Variants in INPP4A observed in about 807,000 individuals in gnomAD.
The protein encoded by INPP4A is inositol polyphosphate-4-phosphatase, type I, 107kD.
In INPP4A, 33 loss-of-function variants were observed where a neutral mutation model predicts 119.8. The observed-to-expected ratio is 0.28, with a 90% CI of 0.21 to 0.37. The LOEUF is 0.37. INPP4A is among the 10% of genes least tolerant of loss of function. The pLI is 1.00. For missense variants in INPP4A, 956 were observed against 1,289.9 expected (o/e 0.74, Z 3.97); for synonymous variants, 496 against 500.7 (o/e 0.99, Z 0.12).
At chr2:98,578,851 G>A (rs147734319) in intron 24 of INPP4A, among the ~76,000 whole-genome samples, 7 of 152,336 alleles carry the variant, frequency 4.6e-5, no homozygotes, top group African/African-American at 9.6e-5. Context: ...AACAGGTAGC[G>A]CTGCGGACAT....
At chr2:98,568,322 A>G (rs1696848293) in intron 21 of INPP4A, among the ~76,000 whole-genome samples, 1 of 152,322 alleles carries the variant, frequency 6.6e-6, no homozygotes, top group East Asian at 1.9e-4. Flanking sequence ...TCTGTACCAC[A>G]TCATGTTCTG....
chr2:98,493,507 CACTT>C lies in INPP4A; in HGVS notation c.-165-25456_-165-25453del. Among the ~76,000 whole-genome samples, 5 of 149,554 alleles carry C rather than the reference CACTT, an allele frequency of 3.3e-5. No homozygotes were observed. The South Asian group carries it at 1.1e-3, about 32-fold the overall frequency. ...CAACCTCCCAGGCTCGAGATCCACTCACTTCAGCCTCCCAAGTAGCTGGGACTAC... is the reference window on the plus strand; with the variant it reads ...CAACCTCCCAGGCTCGAGATCCACTCCAGCCTCCCAAGTAGCTGGGACTAC... On this transcript the variant is annotated intron_variant, in intron 1 of 24. Transcript: ENST00000409851.
intron 17 of INPP4A, among the ~76,000 whole-genome samples, chr2:98,563,061 T>G (rs1695777680): frequency 6.6e-6 from 1 of 152,200 alleles, no homozygotes; most frequent in Non-Finnish European, 1.5e-5. Context: ...TTTCTGGGTG[T>G]CCTTCCTCTC....
chr2:98,567,842 G>A (rs928395156), intron 21 of INPP4A, among the ~76,000 whole-genome samples: 1 of 152,188 alleles, frequency 6.6e-6, no homozygotes, highest in Middle Eastern at 3.2e-3. Context: ...GGGTGGATGG[G>A]CTGGGACCCG....
intron 5 of INPP4A, 25 bp from the exon 6 acceptor site, chr2:98,535,704 C>G (rs1182650116): frequency 2.8e-6 from 3 of 1,088,414 alleles, no homozygotes; most frequent in Non-Finnish European, 4.1e-6. Flanking sequence ...ACCCTGTGTT[C>G]TGATTATTTC....
rs1695885292 is a variant in INPP4A, at chr2:98,563,611, C to T, written c.2002C>T (p.Arg668Cys). Residue 668 changes from arginine to cysteine, a missense_variant, in exon 18 of 25, where the codon CGC becomes TGC. Arg to Cys is a radical substitution (Grantham distance 180). This residue lies in a region of INPP4A where 304 missense variants were observed against 492.1 expected (regional missense o/e 0.62). Coordinates refer to ENST00000409851, the MANE Select transcript of INPP4A (RefSeq NM_001134225.2). ...TIATYLSLQYRRDVVFCQTLT... is the reference protein window; with the variant it reads ...TIATYLSLQYCRDVVFCQTLT... ...AGCCACCTACCTGAGCCTGCAGTAC[C>T]GCCGTGACGTGGTCTTCTGCCAGAC... 3 of 1,613,088 alleles carry T rather than the reference C, an allele frequency of 1.9e-6. No homozygotes were observed. Among genetic ancestry groups the T allele is most frequent in the Non-Finnish European group, 2.5e-6 (3 of 1,179,856 alleles).
Position 98,456,479 on chromosome 2 carries a change from G to A in INPP4A, c.-166+11394G>A, listed in dbSNP as rs142419310. ...CTCCCAAGTAGCAATGACTGCATGC[G>A]TGTGCCACCACACTTGGCTAATTTT... is the stretch of plus-strand genomic sequence containing the variant. On this transcript the variant is annotated intron_variant, in intron 1 of 24. Transcript: ENST00000409851. 2.6e-5 allele frequency among the ~76,000 whole-genome samples: 4 copies of A among 151,866 alleles called. No homozygotes were observed. The East Asian group carries it at 7.7e-4, about 29-fold the overall frequency.
At position 98,463,258 on chromosome 2, in the gene INPP4A, G is replaced by A. The variant is rs74440622; in HGVS notation, c.-166+18173G>A. ...CTTTCCTCTGCCTGGCCTATCAAGC[G>A]GCCAACTCAAGCTGCAGGTGCAAGG... On this transcript the variant is annotated intron_variant, in intron 1 of 24. Coordinates refer to ENST00000409851, the MANE Select transcript of INPP4A (RefSeq NM_001134225.2). Among the ~76,000 whole-genome samples the A allele has an allele frequency of 6.9e-4, 105 of 152,326 alleles. 3 individuals are homozygous for A. In the East Asian group the frequency reaches 0.019, roughly 27 times the overall value.
intron 1 of INPP4A, among the ~76,000 whole-genome samples, chr2:98,510,360 G>A (rs992654622): frequency 1.3e-5 from 2 of 152,168 alleles, no homozygotes; most frequent in Non-Finnish European, 2.9e-5. Context: ...GTCTGGGCTT[G>A]TTCTGCTCCT....
chr2:98,580,769 C>T (rs1699182643), intron 24 of INPP4A, among the ~76,000 whole-genome samples: 1 of 152,238 alleles, frequency 6.6e-6, no homozygotes, highest in South Asian at 2.1e-4. Flanking sequence ...GTCCTCAGGC[C>T]TCTGATTCTG....
intron 1 of INPP4A, among the ~76,000 whole-genome samples, chr2:98,465,168 G>A (rs1349836877): frequency 6.6e-6 from 1 of 152,178 alleles, no homozygotes; most frequent in East Asian, 1.9e-4. Context: ...CACTGTTCTG[G>A]CCTCCAGAAT....
chr2:98,559,635 TAAA>T (rs1695107881), intron 17 of INPP4A, 140 bp downstream of exon 17: 1 of 900,774 alleles, frequency 1.1e-6, no homozygotes, highest in Non-Finnish European at 1.7e-6. Flanking sequence ...TTGTGAGGCA[TAAA>T]ACACTTTTCG....
Position 98,590,886 on chromosome 2 carries a change from ACCT to A in INPP4A, c.*3280_*3282del. ...TTATTCTCATTGATGGTAGCAGTGC[ACCT>A]CGTTTCAGTGTCCTGATTCCTTGAT... On this transcript the variant is annotated 3_prime_UTR_variant, in exon 25 of 25. Coordinates refer to ENST00000409851, the MANE Select transcript of INPP4A (RefSeq NM_001134225.2). 1 of 231,368 alleles carries A rather than the reference ACCT, an allele frequency of 4.3e-6. No individual in the cohort carries two copies. The highest frequency in any genetic ancestry group is 8.6e-6 in the Non-Finnish European group (1 of 116,938). The allele number at this position is 231,368 out of a possible 1,614,324, so 14.3% of individuals were successfully genotyped here.
intron 1 of INPP4A, among the ~76,000 whole-genome samples, chr2:98,487,579 TTTG>T (rs1482306374): frequency 6.6e-6 from 1 of 152,142 alleles, no homozygotes; most frequent in Admixed American, 6.5e-5. Flanking sequence ...CAATGGTTTT[TTTG>T]TTGTTGTTGT....
At position 98,552,787 on chromosome 2, in the gene INPP4A, A is replaced by G; in HGVS notation, c.1165A>G (p.Thr389Ala). ...AGAATCCATTCTTATCCTTTCCAGT[A>G]CATCATCTGGCTGCCAGTCCATAAT... ...LHKFEETKKH[T>A]SSGCQSIIYI... The change falls in exon 14 of 25, where the codon ACA (threonine) becomes GCA (alanine). Residue 389 changes from threonine (T) to alanine (A), a missense_variant and splice_region_variant. Physicochemically the swap from Thr to Ala is moderately conservative, Grantham distance 58. Around this residue, in one of 2 missense-constraint regions of INPP4A, gnomAD observed 652 missense variants for 797.9 expected, o/e 0.82. Transcript: ENST00000409851. 5.0e-6 allele frequency: 8 copies of G among 1,609,728 alleles called. No homozygotes were observed. The highest frequency in any genetic ancestry group is 6.8e-6 in the Non-Finnish European group (8 of 1,176,092).
chr2:98,544,075 AC>A, intron 11 of INPP4A, 68 bp downstream of exon 11: 1 of 1,384,674 alleles, frequency 7.2e-7, no homozygotes, highest in East Asian at 2.6e-5. Context: ...TCTCACTCTC[AC>A]TCAGTCACTC....
intron 1 of INPP4A, among the ~76,000 whole-genome samples, chr2:98,451,343 G>GGTGGGGGCA (rs1387223234): frequency 6.6e-6 from 1 of 152,126 alleles, no homozygotes; most frequent in Non-Finnish European, 1.5e-5. Context: ...AGATGTATAT[G>GGTGGGGGCA]GTGGGGGCAG....
intron 1 of INPP4A, among the ~76,000 whole-genome samples, chr2:98,507,673 G>C (rs1684329992): frequency 6.6e-6 from 1 of 152,132 alleles, no homozygotes; most frequent in African/African-American, 2.4e-5. Flanking sequence ...GTTTCAAGTT[G>C]GGGGCTGTCT....
intron 1 of INPP4A, among the ~76,000 whole-genome samples, chr2:98,467,671 A>G (rs776146659): frequency 1.3e-5 from 2 of 152,192 alleles, no homozygotes; most frequent in Non-Finnish European, 2.9e-5. Flanking sequence ...TATACATCCC[A>G]CACATACACT....
Sources: allele counts gnomAD v4.1 joint callset (sites outside exome capture counted in the v4.1 genomes callset), GRCh38; gene constraint gnomAD v4.1.1; regional missense constraint gnomAD v4.1.1; transcripts MANE v1.5; gene names NCBI Gene and HGNC (gene_info 2026-07-23, HGNC 2026-07-21).